Variants in SRGAP3 observed in about 807,000 individuals in gnomAD.
The protein encoded by SRGAP3 is SLIT-ROBO Rho GTPase-activating protein 3.
Under a neutral mutation model 121.1 loss-of-function variants are expected in SRGAP3, and 39 were observed. That is an observed-to-expected ratio of 0.32 (90% CI 0.25 to 0.42). The LOEUF (loss-of-function observed/expected upper bound fraction) is 0.42, where lower values mean the gene tolerates loss of function less well. Among genes scored for constraint, SRGAP3 ranks in the 10% least tolerant of loss-of-function variants. SRGAP3 has a pLI of 1.00. For missense variants in SRGAP3, 1,213 were observed against 1,470.6 expected, an observed-to-expected ratio of 0.82 and a Z score of 2.86; for synonymous variants, 601 against 570.0, an observed-to-expected ratio of 1.05 and a Z score of -0.77.
At chr3:9,315,319 G>T (rs1955325715) in intron 3 of SRGAP3, among the ~76,000 whole-genome samples, 3 of 152,190 alleles carry the variant, frequency 2.0e-5, no homozygotes, top group Admixed American at 1.3e-4. Context: ...AAGTCCCACT[G>T]CATTTCACAG....
intron 1 of SRGAP3, among the ~76,000 whole-genome samples, chr3:9,181,908 C>T (rs1445772732): frequency 6.6e-6 from 1 of 152,124 alleles, no homozygotes; most frequent in Non-Finnish European, 1.5e-5. Flanking sequence ...GGGACGGTGG[C>T]TCACGCCTGT....
At chr3:9,052,894 A>C (rs1369622116) in intron 9 of SRGAP3, 133 bp downstream of exon 9, 3 of 1,079,398 alleles carry the variant, frequency 2.8e-6, no homozygotes, top group Non-Finnish European at 4.1e-6. Context: ...TAATTTTAAA[A>C]GCATGGTGAT....
Position 8,985,849 on chromosome 3 carries a change from C to G in SRGAP3, c.2970G>C (p.Val990=). 6.2e-7 allele frequency: 1 copy of G among 1,600,296 alleles called. No individual in the cohort carries two copies. The highest frequency in any genetic ancestry group is 8.5e-7 in the Non-Finnish European group (1 of 1,179,930). ...RQNTVKQAPD[V]VLDTLEPLKN... ...TCAGGGGCTCCAGGGTGTCCAGCAC[C>G]ACATCTGGCGCCTGCTTGACCGTGT... The change falls in exon 22 of 22, where the codon GTG becomes GTC. Residue 990 remains valine (V), a synonymous_variant. Coordinates refer to ENST00000383836, the MANE Select transcript of SRGAP3 (RefSeq NM_014850.4). This position sits in a 1 kb window ranked among gnomAD's most constrained non-coding sequence, Gnocchi z 5.1.
intron 18 of SRGAP3, among the ~76,000 whole-genome samples, chr3:9,005,792 G>A (rs115343444): frequency 2.4e-3 from 364 of 152,300 alleles, no homozygotes; most frequent in Non-Finnish European, 3.8e-3. Flanking sequence ...GGCGTAAGGA[G>A]TGATAGCTAA....
chr3:9,004,316 G>T (rs1942940283), intron 18 of SRGAP3, among the ~76,000 whole-genome samples: 1 of 152,136 alleles, frequency 6.6e-6, no homozygotes, highest in Non-Finnish European at 1.5e-5. Context: ...TGGATCAGAA[G>T]ACTTAACACT....
chr3:9,175,951 T>C (rs1479733928), intron 1 of SRGAP3, among the ~76,000 whole-genome samples: 1 of 152,142 alleles, frequency 6.6e-6, no homozygotes, highest in Non-Finnish European at 1.5e-5. Flanking sequence ...ATATGGAGCC[T>C]CACTCTGTCA....
At chr3:9,036,666 C>G (rs1944760634) in intron 11 of SRGAP3, 2 of 152,214 alleles carry the variant, frequency 1.3e-5, no homozygotes, top group African/African-American at 4.8e-5. Context: ...GATCTCCTCT[C>G]CCACACTCTG....
chr3:9,237,848 G>T (rs538266941), intron 1 of SRGAP3, among the ~76,000 whole-genome samples: 1 of 152,324 alleles, frequency 6.6e-6, no homozygotes, highest in Admixed American at 6.5e-5. Flanking sequence ...ACAGGGAAGT[G>T]ACATGGCCAG....
rs372621814 is a variant in SRGAP3 at position 9,058,442 on chromosome 3, C to A, written c.832G>T (p.Ala278Ser). 3 of 1,613,976 alleles carry A rather than the reference C, an allele frequency of 1.9e-6. No individual in the cohort carries two copies. Among genetic ancestry groups the A allele is most frequent in the Non-Finnish European group, 2.5e-6 (3 of 1,180,046 alleles). Residue 278 changes from alanine to serine, a missense_variant, in exon 7 of 22, where the codon GCC (alanine) becomes TCC (serine). By Grantham distance (99) the Ala-to-Ser change is moderately conservative. Around this residue, in one of 2 missense-constraint regions of SRGAP3, gnomAD observed 793 missense variants for 1,032.9 expected, o/e 0.77. Coordinates refer to ENST00000383836, the MANE Select transcript of SRGAP3 (RefSeq NM_014850.4). ...CCDLGFHASL[A>S]RTFRTYLSAE... ...GAGAGATAGGTCCGGAAGGTGCGGGCCAGGCTGGCATGGAAGCCCAAATCA... is the reference window on the plus strand; with the variant it reads ...GAGAGATAGGTCCGGAAGGTGCGGGACAGGCTGGCATGGAAGCCCAAATCA...
chr3:9,324,127 T>C (rs907189236), intron 3 of SRGAP3, among the ~76,000 whole-genome samples: 5 of 151,964 alleles, frequency 3.3e-5, no homozygotes, highest in African/African-American at 1.2e-4. Context: ...CTATGAGTGG[T>C]TGAAGTATGG....
chr3:9,057,948 CG>C lies in SRGAP3; in HGVS notation c.1023+302del, dbSNP rs550756036. Among the ~76,000 whole-genome samples the C allele has an allele frequency of 2.0e-5, 3 of 152,228 alleles. No homozygotes were observed. The South Asian group carries it at 6.2e-4, about 32-fold the overall frequency. On this transcript the variant is annotated intron_variant, in intron 7 of 21. Coordinates refer to ENST00000383836, the MANE Select transcript of SRGAP3 (RefSeq NM_014850.4). ...GCCCAGGCTTCCCGTGGACCTCACC[CG>C]CACATGTGGGGTTAGAACATGAGCC... is the stretch of plus-strand genomic sequence containing the variant.
rs58305278 is a variant in SRGAP3 at position 9,096,937 on chromosome 3, G to GTATATA, written c.423+7737_423+7742dup. 5.4e-3 allele frequency among the ~76,000 whole-genome samples: 330 copies of GTATATA among 61,012 alleles called. 3 individuals carry two copies. Among genetic ancestry groups the GTATATA allele is most frequent in the Non-Finnish European group, 6.5e-3 (188 of 28,976 alleles). The allele number at this position is 61,012 out of a possible 152,430, so 40.0% of individuals were successfully genotyped here. A position where few individuals can be genotyped will look rare whatever the true frequency, so the allele number is the denominator to read the frequency against. On this transcript the variant is annotated intron_variant, in intron 3 of 21. Coordinates refer to ENST00000383836, the MANE Select transcript of SRGAP3 (RefSeq NM_014850.4). ...AATTATATATTTTTTACATTATTTT[G>GTATATA]TATATATATATATATATATATATAT...
At chr3:9,223,184 C>G (rs1345159175) in intron 1 of SRGAP3, among the ~76,000 whole-genome samples, 1 of 152,236 alleles carries the variant, frequency 6.6e-6, no homozygotes, top group Non-Finnish European at 1.5e-5. Context: ...AACATAGCCA[C>G]ATCCACTTAT....
At chr3:9,135,648 G>A (rs1443297703) in intron 1 of SRGAP3, among the ~76,000 whole-genome samples, 1 of 152,250 alleles carries the variant, frequency 6.6e-6, no homozygotes, top group African/African-American at 2.4e-5. Flanking sequence ...TAAAAGGCAA[G>A]TAAGTATTCT....
chr3:9,001,110 T>C (rs1287905452), intron 18 of SRGAP3, among the ~76,000 whole-genome samples: 6 of 152,162 alleles, frequency 3.9e-5, no homozygotes, highest in Non-Finnish European at 8.8e-5. Flanking sequence ...TGGGGAGCAA[T>C]TGCTCAACAG....
chr3:9,134,099 T>C (rs1232674294), intron 1 of SRGAP3, among the ~76,000 whole-genome samples: 5 of 152,164 alleles, frequency 3.3e-5, no homozygotes, highest in Admixed American at 6.5e-5. Flanking sequence ...CAACTTGCCC[T>C]TGGAGGCCTC....
chr3:9,028,371 G>A (rs1466612521), intron 12 of SRGAP3, among the ~76,000 whole-genome samples: 1 of 152,154 alleles, frequency 6.6e-6, no homozygotes, highest in African/African-American at 2.4e-5. Context: ...GGCTGCCTTA[G>A]CTGCCCTCCC....
intron 1 of SRGAP3, among the ~76,000 whole-genome samples, chr3:9,354,417 T>C (rs369061783): frequency 1.0e-3 from 157 of 152,124 alleles, no homozygotes; most frequent in African/African-American, 3.3e-3. Context: ...CGGTGGCTCA[T>C]GCCTGTAATC....
At chr3:9,076,621 C>T (rs770351886) in intron 4 of SRGAP3, among the ~76,000 whole-genome samples, 5 of 152,180 alleles carry the variant, frequency 3.3e-5, no homozygotes, top group Non-Finnish European at 5.9e-5. Flanking sequence ...TTAATTCCTA[C>T]CCATCCAAAG....
Sources: allele counts gnomAD v4.1 joint callset (sites outside exome capture counted in the v4.1 genomes callset), GRCh38; gene constraint gnomAD v4.1.1; regional missense constraint gnomAD v4.1.1; non-coding constraint Gnocchi (gnomAD v3.1); transcripts MANE v1.5; gene names NCBI Gene and HGNC (gene_info 2026-07-23, HGNC 2026-07-21).